Variants in ITGA4 observed in about 807,000 individuals in gnomAD.
The protein encoded by ITGA4 is integrin subunit alpha 4, also known as integrin alpha-4.
In ITGA4, 63 loss-of-function variants were observed where a neutral mutation model predicts 133.6. The observed-to-expected ratio is 0.47, with a 90% CI of 0.38 to 0.58. The LOEUF (loss-of-function observed/expected upper bound fraction) is 0.58, where lower values mean the gene tolerates loss of function less well. Among genes scored for constraint, ITGA4 ranks in the 20% least tolerant of loss-of-function variants. The probability of loss-of-function intolerance (pLI) is 0.00; values close to 1 mark genes in which losing one functional copy is unlikely to be tolerated. For synonymous variants in ITGA4, 483 were observed against 438.0 expected (o/e 1.10, Z -1.28); for missense variants, 1,076 against 1,252.7 (o/e 0.86, Z 2.13).
rs1553504789 is a variant in ITGA4, at chr2:181,480,118, A to AG, written c.625-18dup. 3 of 1,115,218 alleles carry AG rather than the reference A, an allele frequency of 2.7e-6. No homozygotes were observed. The African/African-American group carries it at 7.2e-5, about 27-fold the overall frequency. 69.1% of individuals were successfully genotyped at this position (1,115,218 alleles called of 1,614,324 possible). On this transcript the variant is annotated intron_variant, in intron 5 of 27. Coordinates refer to ENST00000397033, the MANE Select transcript of ITGA4 (RefSeq NM_000885.6). ...GTGAGATTAAAGTTTAAATAATAAT[A>AG]GTTTTTTTTTTCTTACAGGATTTAA...
Position 181,522,225 on chromosome 2 carries a change from A to T in ITGA4, c.1957A>T (p.Ser653Cys). 6.3e-7 allele frequency: 1 copy of T among 1,575,182 alleles called. No individual in the cohort carries two copies. The highest frequency in any genetic ancestry group is 8.7e-7 in the Non-Finnish European group (1 of 1,153,880). The change falls in exon 18 of 28, where the codon AGT (serine) becomes TGT (cysteine). Residue 653 changes from serine (S) to cysteine (C), a missense_variant. Transcript: ENST00000397033. ...AAATAAAACATATCTTGCTGTTGGG[A>T]GTATGAAGACATTGATGTTGAATGT... is the stretch of plus-strand genomic sequence containing the variant. Reference protein sequence around the residue: ...HENKTYLAVGSMKTLMLNVSL... With the variant: ...HENKTYLAVGCMKTLMLNVSL...
chr2:181,493,425 G>GT lies in ITGA4; in HGVS notation c.1248+7dup, dbSNP rs1231596855. 1.3e-6 allele frequency: 2 copies of GT among 1,558,218 alleles called. No homozygotes were observed. Among genetic ancestry groups the GT allele is most frequent in the Non-Finnish European group, 1.8e-6 (2 of 1,134,884 alleles). ...TCTCGTCAACCTTCTCACAGGTAAG[G>GT]TACTATTCTATTTCCAAAAGAAGCA... On this transcript the variant is annotated splice_region_variant and intron_variant, in intron 11 of 27. Transcript: ENST00000397033.
chr2:181,510,871 A>C (rs1039718834), intron 16 of ITGA4, among the ~76,000 whole-genome samples: 2 of 152,046 alleles, frequency 1.3e-5, no homozygotes, highest in African/African-American at 4.8e-5. Context: ...ATATTAATTT[A>C]TATTTTGATT....
At chr2:181,486,071 A>G in intron 10 of ITGA4, 79 bp downstream of exon 10, 9 of 1,497,678 alleles carry the variant, frequency 6.0e-6, no homozygotes, top group South Asian at 1.4e-5. Context: ...AAAGTTTTGT[A>G]TTGTTTTCCT....
rs1574419145 is a variant in ITGA4, at chr2:181,536,476, G to A, written c.*949G>A. On this transcript the variant is annotated 3_prime_UTR_variant, in exon 28 of 28. Coordinates refer to ENST00000397033, the MANE Select transcript of ITGA4 (RefSeq NM_000885.6). ...AGACTAGGGGGCCTATACTTCATAT[G>A]TATTATGTACTATGTAAAATATTGA... Among the ~76,000 whole-genome samples the A allele has an allele frequency of 1.3e-5, 2 of 151,956 alleles. No individual in the cohort carries two copies. The highest frequency in any genetic ancestry group is 4.1e-4 in the South Asian group (2 of 4,832).
Position 181,523,696 on chromosome 2 carries a change from A to G in ITGA4, c.2169+164A>G, listed in dbSNP as rs1173592950. Among the ~76,000 whole-genome samples the G allele has an allele frequency of 6.6e-6, 1 of 152,072 alleles. No homozygotes were observed. The highest frequency in any genetic ancestry group is 1.5e-5 in the Non-Finnish European group (1 of 68,006). Reference sequence around the variant, plus strand: ...CTTGAAATCTTTGAGCTTTGTGTTTATATTCTTGGCAATGTTTGCTGTTTT... The same window carrying G: ...CTTGAAATCTTTGAGCTTTGTGTTTGTATTCTTGGCAATGTTTGCTGTTTT... On this transcript the variant is annotated intron_variant, in intron 19 of 27. Coordinates refer to ENST00000397033, the MANE Select transcript of ITGA4 (RefSeq NM_000885.6). The surrounding 1 kb of genome is among the most constrained non-coding windows in gnomAD (Gnocchi z 4.2).
chr2:181,513,325 C>A (rs995946691), intron 17 of ITGA4, among the ~76,000 whole-genome samples: 18 of 151,966 alleles, frequency 1.2e-4, no homozygotes, highest in African/African-American at 4.1e-4. Flanking sequence ...TTTTGGTTGC[C>A]CTATAGTTTC....
At chr2:181,481,774 A>G in intron 7 of ITGA4, 91 bp downstream of exon 7, 2 of 482,514 alleles carry the variant, frequency 4.1e-6, no homozygotes, top group Non-Finnish European at 3.7e-6. Context: ...GAATGTTGTA[A>G]GGAAAGAAAG....
chr2:181,469,842 A>G (rs1039219912), intron 2 of ITGA4, among the ~76,000 whole-genome samples: 1 of 151,452 alleles, frequency 6.6e-6, no homozygotes, highest in African/African-American at 2.4e-5. Context: ...GCATGTTCTC[A>G]CTCACAGGTA....
At chr2:181,483,211 A>C (rs1685844069) in intron 9 of ITGA4, among the ~76,000 whole-genome samples, 1 of 152,200 alleles carries the variant, frequency 6.6e-6, no homozygotes, top group Admixed American at 6.5e-5. Flanking sequence ...TAGTTGCATA[A>C]ATAGGTAATT....
intron 15 of ITGA4, among the ~76,000 whole-genome samples, chr2:181,507,715 G>A (rs771947507): frequency 5.9e-5 from 9 of 152,052 alleles, no homozygotes; most frequent in South Asian, 4.1e-4. Context: ...CAATGTAAAT[G>A]CTATGTAAAT....
chr2:181,481,611 A>T lies in ITGA4; in HGVS notation c.768A>T (p.Gly256=), dbSNP rs749836629. ...CTTTTCTTAAAGGATATTCAGTCGG[A>T]GCTGGTCATTTTCGGAGCCAGCATA... is the stretch of plus-strand genomic sequence containing the variant. The part of the protein sequence containing the change: ...KFGSYLGYSV[G]AGHFRSQHTT... Residue 256 remains glycine, a synonymous_variant, in exon 7 of 28, where the codon GGA becomes GGT. Transcript: ENST00000397033. 1.9e-6 allele frequency: 3 copies of T among 1,595,432 alleles called. No homozygotes were observed. The highest frequency in any genetic ancestry group is 2.6e-6 in the Non-Finnish European group (3 of 1,165,580).
chr2:181,537,213 ACTGTCTTCTCCAGGATGGTCTC>A lies in ITGA4; in HGVS notation c.*1687_*1708del. 2.2e-6 allele frequency: 1 copy of A among 453,902 alleles called. No individual in the cohort carries two copies. 28.1% of individuals were successfully genotyped at this position (453,902 alleles called of 1,614,324 possible). The stretch of plus-strand genomic sequence containing the variant: ...ATGAAAAATCAAGCCCCGATTTAGA[ACTGTCTTCTCCAGGATGGTCTC>A]TAAGGAAATTTACATTTGGTTCTTT... On this transcript the variant is annotated 3_prime_UTR_variant, in exon 28 of 28. Coordinates refer to ENST00000397033, the MANE Select transcript of ITGA4 (RefSeq NM_000885.6).
intron 10 of ITGA4, among the ~76,000 whole-genome samples, chr2:181,491,833 C>G (rs1686054949): frequency 6.6e-6 from 1 of 152,336 alleles, no homozygotes; most frequent in South Asian, 2.1e-4. Context: ...ACAAATCTGA[C>G]TCCAGTTATT....
intron 16 of ITGA4, 74 bp downstream of exon 16, chr2:181,509,881 AGAAGT>A (rs1482823610): frequency 9.1e-7 from 1 of 1,095,510 alleles, no homozygotes; most frequent in Admixed American, 2.1e-5. Flanking sequence ...ATAATTCTGA[AGAAGT>A]GAACTATATG....
chr2:181,477,162 C>T (rs796901366), intron 4 of ITGA4, among the ~76,000 whole-genome samples: 23 of 152,074 alleles, frequency 1.5e-4, no homozygotes, highest in African/African-American at 5.5e-4. Flanking sequence ...TGGCTATCTG[C>T]GTGCAAAAGA....
At chr2:181,500,889 A>G (rs932138182) in intron 15 of ITGA4, among the ~76,000 whole-genome samples, 2 of 152,188 alleles carry the variant, frequency 1.3e-5, no homozygotes, top group Non-Finnish European at 2.9e-5. Context: ...TATGATAAAA[A>G]TATACATTTT....
Position 181,457,513 on chromosome 2 carries a change from C to T in ITGA4, c.-142C>T, listed in dbSNP as rs1685150393. On this transcript the variant is annotated 5_prime_UTR_variant, in exon 1 of 28. Coordinates refer to ENST00000397033, the MANE Select transcript of ITGA4 (RefSeq NM_000885.6). ...GTGGGCCGACTTCCCCTCCTCTTCC[C>T]TCTCTCCTTCCTTTAGCCCGCTGGC... 2.6e-6 allele frequency: 2 copies of T among 778,208 alleles called. No homozygotes were observed. The highest frequency in any genetic ancestry group is 2.0e-6 in the Non-Finnish European group (1 of 503,336). The allele number at this position is 778,208 out of a possible 1,614,324, so 48.2% of individuals were successfully genotyped here. A position where few individuals can be genotyped will look rare whatever the true frequency, so the allele number is the denominator to read the frequency against.
chr2:181,467,564 A>G (rs1685450287), intron 2 of ITGA4, among the ~76,000 whole-genome samples: 1 of 152,180 alleles, frequency 6.6e-6, no homozygotes, highest in Non-Finnish European at 1.5e-5. Flanking sequence ...AAATACTGAG[A>G]ACCATTCTAA....
Sources: gnomAD v4.1 joint callset for allele counts (sites outside exome capture counted in the v4.1 genomes callset) on GRCh38, gnomAD v4.1.1 for gene constraint, Gnocchi (gnomAD v3.1) non-coding constraint, MANE v1.5 for transcripts, NCBI Gene and HGNC (gene_info 2026-07-23, HGNC 2026-07-21) for gene names.